NOC2L: variants seen among roughly 807,000 people sequenced by gnomAD.
NOC2L encodes the protein NOC2 like nucleolar associated transcriptional repressor.
In NOC2L, 101 loss-of-function variants were observed where a neutral mutation model predicts 94.2. The observed-to-expected ratio is 1.07, with a 90% CI of 0.91 to 1.26. The LOEUF is 1.26. Ranked by LOEUF, NOC2L falls within the 50% of genes most tolerant of loss-of-function variation. The pLI, the probability that NOC2L is intolerant of heterozygous loss-of-function variation, is 0.00. For missense variants in NOC2L, 1,076 were observed against 980.1 expected, an observed-to-expected ratio of 1.10 and a Z score of -1.31; for synonymous variants, 531 against 413.4, an observed-to-expected ratio of 1.28 and a Z score of -3.45.
In NOC2L at chr1:946,463, G is replaced by T. The variant is rs752693019; in HGVS notation, c.1742C>A (p.Ser581Ter). ...CTGGCGGCGGCTGCAGATGTATGCC[G>T]AGTTCTCCTGAACCTTCCCAAGCAG... Reference protein sequence around the residue: ...QQLLGKVQENSAYICSRRQRV... With the variant: ...QQLLGKVQEN The change falls in exon 15 of 19, where the codon TCG (serine) becomes TAG (stop). Residue 581 changes from serine (S) to a stop codon, truncating the protein, a stop_gained. Coordinates refer to ENST00000327044, the MANE Select transcript of NOC2L (RefSeq NM_015658.4). LOFTEE classifies it high-confidence loss of function. 7.4e-6 allele frequency: 12 copies of T among 1,613,166 alleles called. No individual in the cohort carries two copies. Among genetic ancestry groups the T allele is most frequent in the Non-Finnish European group, 9.3e-6 (11 of 1,180,006 alleles).
intron 3 of NOC2L, 26 bp downstream of exon 3, chr1:957,073 C>G (rs765893583): frequency 1.2e-5 from 20 of 1,613,892 alleles, no homozygotes; most frequent in East Asian, 2.2e-5. Context: ...CAAGTGCCCC[C>G]CTTCTGGTTT....
At chr1:955,785 C>G in intron 6 of NOC2L, 138 bp downstream of exon 6, 1 of 746,594 alleles carries the variant, frequency 1.3e-6, no homozygotes. Context: ...CCTCGTGCCC[C>G]GCTGCCTTCT....
At position 944,646 on chromosome 1, in the gene NOC2L, A is replaced by C. The variant is rs778672292; in HGVS notation, c.*48T>G. The C allele has an allele frequency of 2.4e-6, 3 of 1,224,952 alleles. No individual in the cohort carries two copies. The highest frequency in any genetic ancestry group is 3.5e-6 in the Non-Finnish European group (3 of 855,864). 75.9% of individuals were successfully genotyped at this position (1,224,952 alleles called of 1,614,324 possible). A position where few individuals can be genotyped will look rare whatever the true frequency, so the allele number is the denominator to read the frequency against. On this transcript the variant is annotated 3_prime_UTR_variant, in exon 19 of 19. Transcript: ENST00000327044. ...GCCTGACTGCCAGGGAGGTGGAAAC[A>C]CTGGCCACCAGCCCGGCAGCCCCTA...
rs201505519 is a variant in NOC2L at position 946,360 on chromosome 1, G to A, written c.1803+42C>T. The A allele has an allele frequency of 1.1e-5, 18 of 1,613,124 alleles. No individual in the cohort carries two copies. In the African/African-American group the frequency reaches 1.9e-4, roughly 17 times the overall value. ...CCACATGTAGCTGGGGCTATACCCT[G>A]GCAGGTGCCCTCAGGTGGCACTACC... On this transcript the variant is annotated intron_variant, in intron 15 of 18. Transcript: ENST00000327044.
chr1:952,535 A>C lies in NOC2L; in HGVS notation c.1068T>G (p.Ser356Arg). The change falls in exon 10 of 19, where the codon AGT becomes AGG. Residue 356 changes from serine to arginine, a missense_variant. Coordinates refer to ENST00000327044, the MANE Select transcript of NOC2L (RefSeq NM_015658.4). ...FTSPGALPFI[S>R]FMQWTLTELL... ...GCTCCGTCAAGGTCCACTGCATGAA[A>C]CTGATGAAGGGGAGGGCACCAGGCG... 1.2e-6 allele frequency: 2 copies of C among 1,613,896 alleles called. No individual in the cohort carries two copies. The highest frequency in any genetic ancestry group is 1.7e-6 in the Non-Finnish European group (2 of 1,180,010).
At position 957,132 on chromosome 1, in the gene NOC2L, C is replaced by T. The variant is rs140114557; in HGVS notation, c.321G>A (p.Glu107=). 275 of 1,614,086 alleles carry T rather than the reference C, an allele frequency of 1.7e-4. No homozygotes were observed. The African/African-American group carries it at 3.4e-3, about 20-fold the overall frequency. Residue 107 remains glutamate, a synonymous_variant, in exon 3 of 19, where the codon GAG becomes GAA. Transcript: ENST00000327044. The part of the protein sequence containing the change: ...FSDSDSSEEE[E]GPFHSLPDVL... ...CATCTGGCAGGGAGTGGAACGGCCC[C>T]TCTTCCTCCTCAGAGCTGTCCGAGT...
intron 13 of NOC2L, 73 bp downstream of exon 13, chr1:948,417 C>G: frequency 8.2e-7 from 1 of 1,216,072 alleles, no homozygotes; most frequent in Admixed American, 1.8e-5. Flanking sequence ...TGCCAGCCCC[C>G]TCCCATCCAC....
Position 944,351 on chromosome 1 carries a change from G to C in NOC2L, c.*343C>G. 2 of 1,368,254 alleles carry C rather than the reference G, an allele frequency of 1.5e-6. No homozygotes were observed. Among genetic ancestry groups the C allele is most frequent in the Non-Finnish European group, 1.9e-6 (2 of 1,067,696 alleles). The allele number at this position is 1,368,254 out of a possible 1,614,324, so 84.8% of individuals were successfully genotyped here. ...AAGGCAGAGCCTGGTGCAGATGGAC[G>C]AGGTCTGCAGACGGAGGGCAGAGGT... is the stretch of plus-strand genomic sequence containing the variant. On this transcript the variant is annotated 3_prime_UTR_variant, in exon 19 of 19. Coordinates refer to ENST00000327044, the MANE Select transcript of NOC2L (RefSeq NM_015658.4).
At chr1:944,900 A>G (rs373310817) in intron 18 of NOC2L, 100 bp from the exon 19 acceptor site, 7 of 1,362,636 alleles carry the variant, frequency 5.1e-6, no homozygotes, top group Non-Finnish European at 7.1e-6. Flanking sequence ...TAATTAATTT[A>G]TCCCTGTTGC....
rs979814445 is a variant in NOC2L, at chr1:944,731, T to A, written c.2213A>T (p.Asp738Val). The A allele has an allele frequency of 2.5e-6, 4 of 1,600,840 alleles. No individual in the cohort carries two copies. Among genetic ancestry groups the A allele is most frequent in the Non-Finnish European group, 3.4e-6 (4 of 1,178,894 alleles). Residue 738 changes from aspartate to valine, a missense_variant, in exon 19 of 19, where the codon GAC (aspartate) becomes GTC (valine). Transcript: ENST00000327044. ...ELQQLAQGPE[D>V]ELEDLQLSED... ...TGAGAGCTGCAGATCCTCCAGCTCG[T>A]CCTCCGGCCCCTGGGCCAGCTGCTG... is the stretch of plus-strand genomic sequence containing the variant.
At chr1:954,194 C>T in intron 6 of NOC2L, 112 bp from the exon 7 acceptor site, 2 of 946,192 alleles carry the variant, frequency 2.1e-6, no homozygotes, top group Non-Finnish European at 3.2e-6. Context: ...TCTGCAGAGA[C>T]CCCCCGTCTC....
In NOC2L at chr1:944,769, G is replaced by C; in HGVS notation, c.2175C>G (p.Ala725=). Residue 725 remains alanine, a synonymous_variant, in exon 19 of 19, where the codon GCC becomes GCG. Coordinates refer to ENST00000327044, the MANE Select transcript of NOC2L (RefSeq NM_015658.4). ...GGGCCAGCTGCTGCAGCTCCCCAGG[G>C]GCCAGCCCCGCCTCTGCGTCTGGGT... is the stretch of plus-strand genomic sequence containing the variant. The part of the protein sequence containing the change: ...DGDPDAEAGL[A]PGELQQLAQG... 1.9e-6 allele frequency: 3 copies of C among 1,598,640 alleles called. No homozygotes were observed. In the South Asian group the frequency reaches 3.3e-5, roughly 18 times the overall value.
chr1:944,610 C>T lies in NOC2L; in HGVS notation c.*84G>A. 1 of 828,902 alleles carries T rather than the reference C, an allele frequency of 1.2e-6. No homozygotes were observed. Among genetic ancestry groups the T allele is most frequent in the South Asian group, 1.5e-5 (1 of 64,944 alleles). 51.3% of individuals were successfully genotyped at this position (828,902 alleles called of 1,614,324 possible). A position where few individuals can be genotyped will look rare whatever the true frequency, so the allele number is the denominator to read the frequency against. On this transcript the variant is annotated 3_prime_UTR_variant, in exon 19 of 19. Transcript: ENST00000327044. The stretch of plus-strand genomic sequence containing the variant: ...ACTGCCTCCCCCAACTGCACAGACG[C>T]CAGCCTCTAGGCCTGACTGCCAGGG...
In NOC2L at chr1:948,612, A is replaced by G. The variant is rs767802924; in HGVS notation, c.1444-9T>C. On this transcript the variant is annotated splice_polypyrimidine_tract_variant and intron_variant, in intron 12 of 18. Transcript: ENST00000327044. ...TCGACCTGCTGGAACATCTGCCCCAAGGGCCGTGTCAGGCTCTCTCGGCCC... is the reference window on the plus strand; with the variant it reads ...TCGACCTGCTGGAACATCTGCCCCAGGGGCCGTGTCAGGCTCTCTCGGCCC... The G allele has an allele frequency of 1.7e-6, 2 of 1,209,774 alleles. No individual in the cohort carries two copies. The highest frequency in any genetic ancestry group is 2.8e-5 in the Admixed American group (1 of 36,030). The allele number at this position is 1,209,774 out of a possible 1,614,324, so 74.9% of individuals were successfully genotyped here.
chr1:952,329 G>A (rs1274760546), intron 10 of NOC2L, 83 bp downstream of exon 10: 9 of 1,518,540 alleles, frequency 5.9e-6, no homozygotes, highest in Non-Finnish European at 8.1e-6. Flanking sequence ...GCTTCGGGGA[G>A]GCCCCAGGCC....
At chr1:946,347 G>C (rs997371638) in intron 15 of NOC2L, 55 bp downstream of exon 15, 7 of 1,612,044 alleles carry the variant, frequency 4.3e-6, no homozygotes, top group African/African-American at 4.0e-5. Context: ...ACATGTAGCT[G>C]GGGCTATACC....
rs1323720208 is a variant in NOC2L, at chr1:956,022, A to C, written c.608-9T>G. ...AACCAGAGCATTGAATGCTGCAACGAAAAGGCCTGGATGTACTCACGGGAC... is the reference window on the plus strand; with the variant it reads ...AACCAGAGCATTGAATGCTGCAACGCAAAGGCCTGGATGTACTCACGGGAC... On this transcript the variant is annotated splice_polypyrimidine_tract_variant and intron_variant, in intron 5 of 18. Coordinates refer to ENST00000327044, the MANE Select transcript of NOC2L (RefSeq NM_015658.4). The C allele has an allele frequency of 6.2e-7, 1 of 1,614,018 alleles. No individual in the cohort carries two copies. The highest frequency in any genetic ancestry group is 8.5e-7 in the Non-Finnish European group (1 of 1,179,956).
intron 12 of NOC2L, among the ~76,000 whole-genome samples, chr1:950,272 CGT>C (rs1374019304): frequency 2.6e-5 from 4 of 151,844 alleles, no homozygotes; most frequent in African/African-American, 7.3e-5. Context: ...CACACAGACA[CGT>C]GTGTATGCAC....
At chr1:949,729 CAG>C (rs941202908) in intron 12 of NOC2L, among the ~76,000 whole-genome samples, 2 of 152,178 alleles carry the variant, frequency 1.3e-5, no homozygotes, top group African/African-American at 4.8e-5. Flanking sequence ...CCCACAGACA[CAG>C]GGGCCAGGCC....
Sources: gnomAD v4.1 joint callset for allele counts (sites outside exome capture counted in the v4.1 genomes callset) on GRCh38, gnomAD v4.1.1 for gene constraint, MANE v1.5 for transcripts, NCBI Gene and HGNC (gene_info 2026-07-23, HGNC 2026-07-21) for gene names.